The following IQGAP2 variants were observed in gnomAD, a reference collection of about 807,000 sequenced individuals.
IQGAP2 encodes ras GTPase-activating-like protein IQGAP2.
A neutral mutation model predicts 201.3 loss-of-function variants in IQGAP2; 173 were observed. That is an observed-to-expected ratio of 0.86 (90% CI 0.76 to 0.98). IQGAP2 has a LOEUF of 0.98. Among genes scored for constraint, IQGAP2 ranks in the 50% least tolerant of loss-of-function variants. The pLI is 0.00. For synonymous variants in IQGAP2, 675 were observed against 673.9 expected (o/e 1.00, Z -0.03); for missense variants, 1,687 against 1,864.8 (o/e 0.90, Z 1.76).
chr5:76,431,108 T>C (rs1752344158), intron 1 of IQGAP2, among the ~76,000 whole-genome samples: 1 of 152,074 alleles, frequency 6.6e-6, no homozygotes, highest in Non-Finnish European at 1.5e-5. Flanking sequence ...GGAAATAGTC[T>C]TAAAAATTGC....
intron 2 of IQGAP2, among the ~76,000 whole-genome samples, chr5:76,489,696 A>G (rs564979206): frequency 6.6e-6 from 1 of 152,242 alleles, no homozygotes; most frequent in Admixed American, 6.5e-5. Flanking sequence ...ACAACACCTG[A>G]CCTCACGTGA....
At chr5:76,553,800 TGG>T (rs1240809654) in intron 2 of IQGAP2, among the ~76,000 whole-genome samples, 2 of 152,124 alleles carry the variant, frequency 1.3e-5, no homozygotes, top group Admixed American at 6.6e-5. Flanking sequence ...ATTCACATAT[TGG>T]GGTTGTGGGC....
At chr5:76,681,531 T>TA (rs1488637125) in intron 28 of IQGAP2, among the ~76,000 whole-genome samples, 3 of 141,528 alleles carry the variant, frequency 2.1e-5, no homozygotes, top group African/African-American at 5.6e-5. Context: ...ATATCAAAAT[T>TA]TAAAAAAAAA....
chr5:76,489,933 C>A (rs1467959573), intron 2 of IQGAP2, among the ~76,000 whole-genome samples: 1 of 152,210 alleles, frequency 6.6e-6, no homozygotes, highest in Non-Finnish European at 1.5e-5. Flanking sequence ...CGGACTTCAC[C>A]ACTCACATTC....
At chr5:76,614,984 T>A (rs1748800976) in intron 13 of IQGAP2, among the ~76,000 whole-genome samples, 1 of 152,216 alleles carries the variant, frequency 6.6e-6, no homozygotes, top group South Asian at 2.1e-4. Flanking sequence ...TAATGGAAGT[T>A]GGTGAAGATT....
At chr5:76,602,395 T>C (rs987661828) in intron 11 of IQGAP2, among the ~76,000 whole-genome samples, 5 of 152,128 alleles carry the variant, frequency 3.3e-5, no homozygotes, top group African/African-American at 1.2e-4. Context: ...GTCCTCCACA[T>C]GACATTAGCC....
intron 1 of IQGAP2, among the ~76,000 whole-genome samples, chr5:76,450,633 C>T (rs2150114138): frequency 6.6e-6 from 1 of 152,286 alleles, no homozygotes; most frequent in East Asian, 1.9e-4. Flanking sequence ...AACTGAAGAG[C>T]TCAGCATGTT....
chr5:76,597,313 C>T (rs1747102133), intron 9 of IQGAP2, 126 bp from the exon 10 acceptor site: 1 of 875,310 alleles, frequency 1.1e-6, no homozygotes, highest in Admixed American at 2.6e-5. Flanking sequence ...TACCCTCTGC[C>T]TGCAGCTTTT....
chr5:76,667,189 T>C (rs1743857477), intron 22 of IQGAP2, among the ~76,000 whole-genome samples: 1 of 152,262 alleles, frequency 6.6e-6, no homozygotes, highest in East Asian at 1.9e-4. Context: ...AGTTATAGAG[T>C]AAGTTTCCTT....
chr5:76,442,664 C>T (rs1201299326), intron 1 of IQGAP2, among the ~76,000 whole-genome samples: 1 of 152,168 alleles, frequency 6.6e-6, no homozygotes, highest in Non-Finnish European at 1.5e-5. Flanking sequence ...GCTGTAACCC[C>T]AGTTCTTTCT....
intron 1 of IQGAP2, among the ~76,000 whole-genome samples, chr5:76,417,744 C>T (rs1364640245): frequency 2.0e-5 from 3 of 151,664 alleles, no homozygotes; most frequent in African/African-American, 7.3e-5. Flanking sequence ...CTATGCCCAG[C>T]TAATTTTTGT....
At position 76,640,961 on chromosome 5, in the gene IQGAP2, A is replaced by C. The variant is rs761418477; in HGVS notation, c.1952A>C (p.Tyr651Ser). Residue 651 changes from tyrosine to serine, a missense_variant, in exon 17 of 36, where the codon TAC becomes TCC. Physicochemically the swap from Tyr to Ser is moderately radical, Grantham distance 144. Transcript: ENST00000274364. ...EDIIEEVTVG[Y>S]IRENIWSASE... The stretch of plus-strand genomic sequence containing the variant: ...ATTATTGAGGAAGTCACAGTAGGTT[A>C]CATTCGTGAGAATATATGGTCTGCT... 2 of 1,600,384 alleles carry C rather than the reference A, an allele frequency of 1.2e-6. No homozygotes were observed. Among genetic ancestry groups the C allele is most frequent in the African/African-American group, 1.3e-5 (1 of 74,866 alleles).
At position 76,403,633 on chromosome 5, in the gene IQGAP2, A is replaced by G; in HGVS notation, c.46+42A>G. ...CGCGGGGTTCCTGCTGGCCTTGGGG[A>G]GCTCCCTCCCCGAGGACGGCGTTGG... On this transcript the variant is annotated intron_variant, in intron 1 of 35. Transcript: ENST00000274364. This position sits in a 1 kb window ranked among gnomAD's most constrained non-coding sequence, Gnocchi z 4.8. 6.9e-7 allele frequency: 1 copy of G among 1,449,638 alleles called. No homozygotes were observed. Among genetic ancestry groups the G allele is most frequent in the Non-Finnish European group, 9.1e-7 (1 of 1,097,542 alleles). 89.8% of individuals were successfully genotyped at this position (1,449,638 alleles called of 1,614,324 possible).
chr5:76,652,136 TAA>T (rs113385943), intron 17 of IQGAP2, among the ~76,000 whole-genome samples: 27 of 152,330 alleles, frequency 1.8e-4, no homozygotes, highest in African/African-American at 3.8e-4. Context: ...CCAGTTTTTG[TAA>T]AGAGTTTCCT....
chr5:76,434,001 A>G (rs531796551), intron 1 of IQGAP2, among the ~76,000 whole-genome samples: 1 of 152,316 alleles, frequency 6.6e-6, no homozygotes, highest in South Asian at 2.1e-4. Flanking sequence ...CCTGTGGTTC[A>G]GAGTTTTTCG....
intron 14 of IQGAP2, among the ~76,000 whole-genome samples, chr5:76,629,365 T>C (rs1193655302): frequency 6.6e-6 from 1 of 152,164 alleles, no homozygotes; most frequent in Non-Finnish European, 1.5e-5. Flanking sequence ...CACTCTCAGA[T>C]AATATGATAA....
At chr5:76,510,781 G>C (rs1757914652) in intron 2 of IQGAP2, 1 of 456,858 alleles carries the variant, frequency 2.2e-6, no homozygotes, top group Non-Finnish European at 4.4e-6. Context: ...CACCTCCTTG[G>C]CACCTGCCCC....
At position 76,597,495 on chromosome 5, in the gene IQGAP2, A is replaced by G. The variant is rs769793025; in HGVS notation, c.964A>G (p.Thr322Ala). ...AVIPEGDPENTLLALKKPEAQ... is the reference protein window; with the variant it reads ...AVIPEGDPENALLALKKPEAQ... ...CATTCCGGAAGGTGACCCCGAGAATACGCTGCTTGCACTGAAGAAACCAGA... is the reference window on the plus strand; with the variant it reads ...CATTCCGGAAGGTGACCCCGAGAATGCGCTGCTTGCACTGAAGAAACCAGA... The change falls in exon 10 of 36, where the codon ACG (threonine) becomes GCG (alanine). Residue 322 changes from threonine (T) to alanine (A), a missense_variant. Coordinates refer to ENST00000274364, the MANE Select transcript of IQGAP2 (RefSeq NM_006633.5). 1.1e-5 allele frequency: 17 copies of G among 1,613,952 alleles called. No homozygotes were observed. In the Admixed American group the frequency reaches 1.3e-4, roughly 13 times the overall value.
chr5:76,654,834 G>C, intron 19 of IQGAP2, 100 bp from the exon 20 acceptor site: 1 of 728,452 alleles, frequency 1.4e-6, no homozygotes, highest in South Asian at 1.7e-5. Flanking sequence ...TCTAAGTAGT[G>C]TCAGTTCTTA....
Sources: gnomAD v4.1 joint callset for allele counts (sites outside exome capture counted in the v4.1 genomes callset) on GRCh38, gnomAD v4.1.1 for gene constraint, Gnocchi (gnomAD v3.1) non-coding constraint, MANE v1.5 for transcripts, NCBI Gene and HGNC (gene_info 2026-07-23, HGNC 2026-07-21) for gene names.